Variants in HUNK observed in about 807,000 individuals in gnomAD.
HUNK encodes the protein hormonally up-regulated Neu-associated kinase, also known as hormonally up-regulated neu tumor-associated kinase.
HUNK carries 21 observed loss-of-function variants against 61.0 expected under a neutral mutation model. The observed-to-expected ratio is 0.34, with a 90% confidence interval of 0.24 to 0.50. The LOEUF is 0.50. HUNK is among the 20% of genes least tolerant of loss of function. The probability of loss-of-function intolerance (pLI) is 0.98; values close to 1 mark genes in which losing one functional copy is unlikely to be tolerated. For synonymous variants in HUNK, 371 were observed against 386.1 expected, an observed-to-expected ratio of 0.96 and a Z score of 0.46; for missense variants, 772 against 945.7, an observed-to-expected ratio of 0.82 and a Z score of 2.41.
chr21:31,953,938 G>A (rs934509527), intron 4 of HUNK, among the ~76,000 whole-genome samples: 3 of 152,176 alleles, frequency 2.0e-5, no homozygotes, highest in African/African-American at 7.2e-5. Context: ...GCGCCATCTT[G>A]AAGACAAGCA....
rs140722663 is a variant in HUNK, at chr21:31,971,302, C to T, written c.1010+2917C>T. ...GCCCAGGCTGGTCATAAACTCCTGG[C>T]CTCAAGTGATCCGCCTGCTGCAGCC... On this transcript the variant is annotated intron_variant, in intron 6 of 10. Coordinates refer to ENST00000270112, the MANE Select transcript of HUNK (RefSeq NM_014586.2). 7.6e-3 allele frequency among the ~76,000 whole-genome samples: 1,156 copies of T among 152,108 alleles called. 12 individuals carry two copies. The highest frequency in any genetic ancestry group is 0.027 in the African/African-American group (1,122 of 41,504).
At chr21:31,930,110 G>A (rs1055983454) in intron 2 of HUNK, among the ~76,000 whole-genome samples, 5 of 152,196 alleles carry the variant, frequency 3.3e-5, no homozygotes, top group Non-Finnish European at 7.3e-5. Flanking sequence ...CATGGATTGG[G>A]ATGTACAGTG....
At chr21:31,954,922 A>G (rs2052877642) in intron 4 of HUNK, among the ~76,000 whole-genome samples, 1 of 151,924 alleles carries the variant, frequency 6.6e-6, no homozygotes, top group Non-Finnish European at 1.5e-5. Context: ...GTTGGGACTT[A>G]CAGGCGCATG....
intron 5 of HUNK, among the ~76,000 whole-genome samples, chr21:31,963,340 G>C (rs988118459): frequency 6.6e-6 from 1 of 152,042 alleles, no homozygotes; most frequent in Non-Finnish European, 1.5e-5. Flanking sequence ...ATTTTATTTA[G>C]TATAAGACGC....
intron 1 of HUNK, among the ~76,000 whole-genome samples, chr21:31,908,622 G>T (rs79254157): frequency 9.9e-5 from 15 of 152,198 alleles, no homozygotes; most frequent in African/African-American, 3.4e-4. Flanking sequence ...CCACGTCGGG[G>T]TGTCCAGCTG....
intron 2 of HUNK, among the ~76,000 whole-genome samples, chr21:31,933,819 A>G (rs2052714604): frequency 6.6e-6 from 1 of 150,482 alleles, no homozygotes. Context: ...CTGAATTTCC[A>G]GTTTATATGC....
chr21:31,949,575 G>GCACACACACA lies in HUNK; in HGVS notation c.746+3414_746+3423dup, dbSNP rs148673553. ...GGAAGCTATGAGAGGAAGAATTTGT[G>GCACACACACA]CACACACACACACACACACGCACAC... is the stretch of plus-strand genomic sequence containing the variant. On this transcript the variant is annotated intron_variant, in intron 4 of 10. Coordinates refer to ENST00000270112, the MANE Select transcript of HUNK (RefSeq NM_014586.2). Among the ~76,000 whole-genome samples the GCACACACACA allele has an allele frequency of 1.9e-3, 281 of 150,614 alleles. 5 individuals are homozygous for GCACACACACA. The highest frequency in any genetic ancestry group is 6.9e-3 in the Middle Eastern group (2 of 290).
At chr21:31,926,776 A>C (rs1227925031) in intron 2 of HUNK, among the ~76,000 whole-genome samples, 2 of 152,146 alleles carry the variant, frequency 1.3e-5, no homozygotes, top group Non-Finnish European at 2.9e-5. Flanking sequence ...TAATACTGCT[A>C]TGAGCGCTGT....
Position 31,969,840 on chromosome 21 carries a change from C to T in HUNK, c.1010+1455C>T, listed in dbSNP as rs116706881. On this transcript the variant is annotated intron_variant, in intron 6 of 10. Transcript: ENST00000270112. ...CCTCTCAAGGTGCTGAGATTACAGGCTTGAGCCACTGTGCCCGGCCAAAAA... is the reference window on the plus strand; with the variant it reads ...CCTCTCAAGGTGCTGAGATTACAGGTTTGAGCCACTGTGCCCGGCCAAAAA... 7.6e-3 allele frequency among the ~76,000 whole-genome samples: 1,163 copies of T among 152,188 alleles called. 18 individuals carry two copies. The highest frequency in any genetic ancestry group is 0.027 in the African/African-American group (1,118 of 41,510).
intron 8 of HUNK, among the ~76,000 whole-genome samples, chr21:31,987,222 A>T (rs1168364250): frequency 6.6e-6 from 1 of 152,216 alleles, no homozygotes; most frequent in Non-Finnish European, 1.5e-5. Context: ...ATATGACGTT[A>T]TCATCACCAA....
intron 4 of HUNK, among the ~76,000 whole-genome samples, chr21:31,952,498 C>T (rs73193432): frequency 0.06 from 9,144 of 152,194 alleles, 379 homozygotes; most frequent in African/African-American, 0.11. Flanking sequence ...ATTGCTTTGT[C>T]CCTTGCATCT....
At chr21:31,876,118 G>T (rs1027113415) in intron 1 of HUNK, among the ~76,000 whole-genome samples, 2 of 152,208 alleles carry the variant, frequency 1.3e-5, no homozygotes, top group African/African-American at 4.8e-5. Flanking sequence ...TTTCTTAAAT[G>T]ATGAATCTCA....
chr21:31,979,515 CTTTTTTTTTTTTTT>C (rs71193166), intron 7 of HUNK, among the ~76,000 whole-genome samples: 7 of 34,352 alleles, frequency 2.0e-4, no homozygotes, highest in African/African-American at 5.9e-4. Context: ...TGTTTGCATT[CTTTTTTTTTTTTTT>C]TTTTTTTTTT....
At chr21:31,998,018 G>T (rs2053217998) in intron 10 of HUNK, among the ~76,000 whole-genome samples, 1 of 152,060 alleles carries the variant, frequency 6.6e-6, no homozygotes, top group African/African-American at 2.4e-5. Flanking sequence ...CCCAGGCTCA[G>T]GTGATCCTCC....
intron 5 of HUNK, among the ~76,000 whole-genome samples, chr21:31,963,747 C>T (rs1163350303): frequency 6.6e-6 from 1 of 152,150 alleles, no homozygotes; most frequent in South Asian, 2.1e-4. Flanking sequence ...TGGGCTCAAG[C>T]AATCCTCCTG....
At chr21:31,934,131 C>G (rs1368693787) in intron 2 of HUNK, among the ~76,000 whole-genome samples, 2 of 152,028 alleles carry the variant, frequency 1.3e-5, no homozygotes, top group African/African-American at 4.8e-5. Flanking sequence ...TATAGGCTTG[C>G]TCATAATTTT....
At chr21:31,992,005 G>A (rs1302002798) in intron 9 of HUNK, among the ~76,000 whole-genome samples, 3 of 152,260 alleles carry the variant, frequency 2.0e-5, no homozygotes, top group Non-Finnish European at 4.4e-5. Context: ...CACCTCCCTC[G>A]AGGAGAAGTG....
intron 1 of HUNK, among the ~76,000 whole-genome samples, chr21:31,918,742 C>T (rs193073943): frequency 1.3e-5 from 2 of 152,336 alleles, no homozygotes; most frequent in African/African-American, 4.8e-5. Context: ...AGGACTCACC[C>T]AGTTAATCCA....
chr21:31,898,948 A>G (rs1477959700), intron 1 of HUNK, among the ~76,000 whole-genome samples: 4 of 152,118 alleles, frequency 2.6e-5, no homozygotes. Context: ...ATTCTCTTTT[A>G]TGGTTTAACG....
Sources: gnomAD v4.1 joint callset for allele counts (sites outside exome capture counted in the v4.1 genomes callset) on GRCh38, gnomAD v4.1.1 for gene constraint, MANE v1.5 for transcripts, NCBI Gene and HGNC (gene_info 2026-07-23, HGNC 2026-07-21) for gene names.